NFILZ: variants seen among roughly 807,000 people sequenced by gnomAD.
NFILZ encodes the protein NFIL3 like protein.
intron 3 of NFILZ, among the ~76,000 whole-genome samples, chr19:8,651,645 C>A (rs963512222): frequency 6.6e-6 from 1 of 152,302 alleles, no homozygotes; most frequent in African/African-American, 2.4e-5. Context: ...GATCCTCCTA[C>A]CTCAGTCTCC....
At chr19:8,654,660 A>G (rs2042984267) in intron 3 of NFILZ, among the ~76,000 whole-genome samples, 2 of 152,172 alleles carry the variant, frequency 1.3e-5, no homozygotes, top group Admixed American at 1.3e-4. Context: ...GAAAAATTAA[A>G]AGAAAAAGAA....
chr19:8,671,405 G>T (rs2043086374), intron 3 of NFILZ, among the ~76,000 whole-genome samples: 1 of 141,496 alleles, frequency 7.1e-6, no homozygotes. Context: ...GAGGTGTAGG[G>T]GGCGGTGGTT....
At chr19:8,657,592 T>TGTGG (rs1555748641) in intron 3 of NFILZ, among the ~76,000 whole-genome samples, 2 of 152,146 alleles carry the variant, frequency 1.3e-5, no homozygotes, top group African/African-American at 4.8e-5. Flanking sequence ...GATCGCTGTG[T>TGTGG]GTGGGATTGT....
At chr19:8,666,986 C>T (rs1281330743) in intron 3 of NFILZ, among the ~76,000 whole-genome samples, 1 of 148,344 alleles carries the variant, frequency 6.7e-6, no homozygotes, top group Non-Finnish European at 1.5e-5. Flanking sequence ...CTAAGTTCAA[C>T]TGTTCCTCCT....
At chr19:8,638,974 C>T (rs549615466) in intron 3 of NFILZ, among the ~76,000 whole-genome samples, 1 of 151,842 alleles carries the variant, frequency 6.6e-6, no homozygotes, top group Admixed American at 6.6e-5. Flanking sequence ...CTCCGAGTAG[C>T]TGGGATTACA....
At chr19:8,647,773 ACACATGCGCGCGCGCGCGCGCG>A (rs1253630150) in intron 3 of NFILZ, among the ~76,000 whole-genome samples, 3 of 128,402 alleles carry the variant, frequency 2.3e-5, no homozygotes, top group Admixed American at 8.1e-5. Context: ...ACACACACGC[ACACATGCGCGCGCGCGCGCGCG>A]CACACACACA....
chr19:8,676,087 G>A (rs1410207995), intron 4 of NFILZ, among the ~76,000 whole-genome samples: 1 of 152,164 alleles, frequency 6.6e-6, no homozygotes, highest in Non-Finnish European at 1.5e-5. Context: ...TGAGTGAATG[G>A]ATGGTGAGTG....
intron 3 of NFILZ, among the ~76,000 whole-genome samples, chr19:8,652,818 TC>T (rs1263099538): frequency 6.6e-6 from 1 of 151,258 alleles, no homozygotes; most frequent in African/African-American, 2.4e-5. Context: ...CTTCTCTCTC[TC>T]TCTTCTTTCT....
intron 3 of NFILZ, among the ~76,000 whole-genome samples, chr19:8,653,003 C>CTTTCTTTCTTTCTTTCTTT (rs1600145535): frequency 9.6e-5 from 4 of 41,508 alleles, no homozygotes; most frequent in Middle Eastern, 0.015. Context: ...TTCCTTCCTT[C>CTTTCTTTCTTTCTTTCTTT]CTTCCTTCCT....
intron 3 of NFILZ, among the ~76,000 whole-genome samples, chr19:8,663,752 G>GTGTGTGTGTGTGTGTGTGTGTA (rs2043047463): frequency 7.8e-6 from 1 of 127,752 alleles, no homozygotes; most frequent in African/African-American, 2.6e-5. Context: ...GTGTGTGTGT[G>GTGTGTGTGTGTGTGTGTGTGTA]TGTGTGTGTG....
intron 4 of NFILZ, among the ~76,000 whole-genome samples, chr19:8,676,126 G>A (rs1555750693): frequency 6.6e-6 from 1 of 152,114 alleles, no homozygotes; most frequent in African/African-American, 2.4e-5. Context: ...TGGATAGATG[G>A]TGAGTTGGGT....
intron 3 of NFILZ, among the ~76,000 whole-genome samples, chr19:8,656,550 C>T (rs1171985963): frequency 3.4e-5 from 5 of 146,022 alleles, no homozygotes; most frequent in Non-Finnish European, 6.1e-5. Flanking sequence ...CCCTTCTCCC[C>T]GCTTGTTTTC....
intron 3 of NFILZ, among the ~76,000 whole-genome samples, chr19:8,661,952 T>C (rs1487882798): frequency 6.6e-6 from 1 of 151,856 alleles, no homozygotes; most frequent in Admixed American, 6.6e-5. Context: ...GTAATCCCAG[T>C]GCTTTGGGAA....
At chr19:8,652,949 T>A (rs1555747856) in intron 3 of NFILZ, among the ~76,000 whole-genome samples, 2 of 149,688 alleles carry the variant, frequency 1.3e-5, no homozygotes, top group East Asian at 3.9e-4. Flanking sequence ...TCTTTCTCTC[T>A]CTTTCTTTCC....
chr19:8,639,267 C>A (rs1393639043), intron 3 of NFILZ, among the ~76,000 whole-genome samples: 1 of 152,020 alleles, frequency 6.6e-6, no homozygotes, highest in Non-Finnish European at 1.5e-5. Context: ...GGAGAGCTTG[C>A]AAGATCTCAA....
At chr19:8,656,284 C>CCCTGAAGCCCACCTCCT (rs1420223130) in intron 3 of NFILZ, among the ~76,000 whole-genome samples, 1 of 50,844 alleles carries the variant, frequency 2.0e-5, no homozygotes, top group African/African-American at 4.8e-5. Flanking sequence ...CCCACCTTCT[C>CCCTGAAGCCCACCTCCT]CCCACAGCCC....
chr19:8,672,984 G>A (rs1267556696), intron 3 of NFILZ, among the ~76,000 whole-genome samples: 1 of 152,116 alleles, frequency 6.6e-6, no homozygotes, highest in African/African-American at 2.4e-5. Flanking sequence ...GGAGGCTGGT[G>A]GGGGCCCAGG....
At chr19:8,640,890 C>T (rs782645041) in intron 3 of NFILZ, among the ~76,000 whole-genome samples, 3 of 152,018 alleles carry the variant, frequency 2.0e-5, no homozygotes, top group Non-Finnish European at 4.4e-5. Flanking sequence ...AGTTCTGAGA[C>T]GAGGGTGCAG....
Position 8,663,754 on chromosome 19 carries a change from G to A in NFILZ, c.-163-10797G>A, listed in dbSNP as rs782228391. 9.0e-3 allele frequency among the ~76,000 whole-genome samples: 1,056 copies of A among 116,970 alleles called. 7 individuals carry two copies. The highest frequency in any genetic ancestry group is 0.018 in the African/African-American group (378 of 20,684). The allele number at this position is 116,970 out of a possible 152,430, so 76.7% of individuals were successfully genotyped here. A position where few individuals can be genotyped will look rare whatever the true frequency, so the allele number is the denominator to read the frequency against. On this transcript the variant is annotated intron_variant, in intron 3 of 5. Coordinates refer to ENST00000691075, the MANE Select transcript of NFILZ (RefSeq NM_001378600.1). ...TGTGTGTGTGTGTGTGTGTGTGTGTGTGTGTGTGTGTGTGTGTATGTATGT... is the reference window on the plus strand; with the variant it reads ...TGTGTGTGTGTGTGTGTGTGTGTGTATGTGTGTGTGTGTGTGTATGTATGT...
Sources: allele counts gnomAD v4.1 joint callset (sites outside exome capture counted in the v4.1 genomes callset), GRCh38; gene constraint gnomAD v4.1.1; transcripts MANE v1.5; gene names NCBI Gene and HGNC (gene_info 2026-07-23, HGNC 2026-07-21).